Variants in CHD1L observed in about 807,000 individuals in gnomAD.
The protein encoded by CHD1L is chromodomain helicase DNA binding protein 1 like.
Under a neutral mutation model 115.9 loss-of-function variants are expected in CHD1L, and 118 were observed. That is an observed-to-expected ratio of 1.02 (90% CI 0.88 to 1.19). The LOEUF (loss-of-function observed/expected upper bound fraction) is 1.19, where lower values mean the gene tolerates loss of function less well. Among genes scored for constraint, CHD1L ranks in the 50% most tolerant of loss-of-function variants. The pLI is 0.00. For synonymous variants in CHD1L, 411 were observed against 387.1 expected (o/e 1.06, Z -0.72); for missense variants, 1,179 against 1,065.3 (o/e 1.11, Z -1.49).
chr1:147,268,768 T>C lies in CHD1L; in HGVS notation c.989-14T>C. 1.9e-6 allele frequency: 3 copies of C among 1,610,518 alleles called. No individual in the cohort carries two copies. Among genetic ancestry groups the C allele is most frequent in the Non-Finnish European group, 2.5e-6 (3 of 1,177,552 alleles). ...TGAGGGCACATTACTGGGAGTGGGT[T>C]CTTTCTTTTCTAGGTGTGGAGCCGG... On this transcript the variant is annotated splice_polypyrimidine_tract_variant and intron_variant, in intron 9 of 22. Transcript: ENST00000369258.
the CHD1L span, among the ~76,000 whole-genome samples, chr1:147,192,598 A>C: frequency 1.3e-5 from 2 of 151,890 alleles, no homozygotes; most frequent in Non-Finnish European, 2.9e-5. Flanking sequence ...CCAGTTTTCA[A>C]AGGGAATGCT....
chr1:147,184,986 A>AT, the CHD1L span, among the ~76,000 whole-genome samples: 1 of 152,044 alleles, frequency 6.6e-6, no homozygotes, highest in Non-Finnish European at 1.5e-5. The surrounding 1 kb of genome is among the most constrained non-coding windows in gnomAD (Gnocchi z 4.4). Flanking sequence ...ATATATATAT[A>AT]TTTTTGTAAT....
chr1:147,209,782 C>G, the CHD1L span: 1 of 152,192 alleles, frequency 6.6e-6, no homozygotes, highest in Non-Finnish European at 1.5e-5. Flanking sequence ...CACTTATCAC[C>G]TGTAGAACTC....
chr1:147,291,483 C>A lies in CHD1L; in HGVS notation c.2322C>A (p.Asp774Glu), dbSNP rs1398737020. ...TTGCTCCTTTCTGTTTTACCTCAGA[C>A]CTGAGTTTGGGAGGTGTCCTTTTAT... Reference protein sequence around the residue: ...KIYELAGKMKDLSLGGVLLFP... With the variant: ...KIYELAGKMKELSLGGVLLFP... Residue 774 changes from aspartate (D) to glutamate (E), a missense_variant and splice_region_variant, in exon 20 of 23, where the codon GAC becomes GAA. Transcript: ENST00000369258. 1 of 1,613,450 alleles carries A rather than the reference C, an allele frequency of 6.2e-7. No homozygotes were observed. The highest frequency in any genetic ancestry group is 1.7e-5 in the Admixed American group (1 of 60,012).
the CHD1L span, chr1:147,215,362 G>C: frequency 6.2e-6 from 1 of 160,696 alleles, no homozygotes; most frequent in African/African-American, 2.4e-5. Context: ...ATATTGGAAA[G>C]TACTTCAGAA....
the CHD1L span, among the ~76,000 whole-genome samples, chr1:147,236,513 C>T: frequency 6.6e-6 from 1 of 152,124 alleles, no homozygotes; most frequent in Non-Finnish European, 1.5e-5. Flanking sequence ...TCAGAGGAGA[C>T]CCACATTGGA....
chr1:147,198,508 C>G, the CHD1L span, among the ~76,000 whole-genome samples: 2 of 152,068 alleles, frequency 1.3e-5, no homozygotes, highest in Non-Finnish European at 2.9e-5. Flanking sequence ...GTGGGTACGT[C>G]ATCCAGTGCA....
At chr1:147,178,427 T>C in the CHD1L span, 1 of 1,611,390 alleles carries the variant, frequency 6.2e-7, no homozygotes, top group Non-Finnish European at 8.5e-7. Flanking sequence ...ACCCTGAATA[T>C]GTTTAGAGAT....
At chr1:147,255,978 G>A in intron 4 of CHD1L, 51 bp downstream of exon 4, 1 of 1,257,026 alleles carries the variant, frequency 8.0e-7, no homozygotes, top group Non-Finnish European at 1.1e-6. Flanking sequence ...GACCTTAGAA[G>A]TTGTAGAGTC....
chr1:147,203,432 C>A, the CHD1L span: 1 of 847,748 alleles, frequency 1.2e-6, no homozygotes, highest in Non-Finnish European at 2.1e-6. Context: ...GTATCTAGAA[C>A]ACCAGCTTCC....
At chr1:147,262,972 T>C (rs2102518365) in intron 6 of CHD1L, among the ~76,000 whole-genome samples, 1 of 152,262 alleles carries the variant, frequency 6.6e-6, no homozygotes, top group East Asian at 1.9e-4. Context: ...TATATATGCA[T>C]ATATATTATT....
At chr1:147,294,574 C>T (rs1157968463) in intron 22 of CHD1L, 57 bp downstream of exon 22, 1 of 1,374,668 alleles carries the variant, frequency 7.3e-7, no homozygotes, top group Non-Finnish European at 1.0e-6. Context: ...AAAATGTGTT[C>T]ATTTTCTGGT....
rs143869639 is a variant in CHD1L, at chr1:147,284,444, A to C, written c.1799A>C (p.Lys600Thr). ...KSFEQLVNLQ[K>T]TLLEKASQEG... The stretch of plus-strand genomic sequence containing the variant: ...TTTGAACAACTGGTAAACCTTCAGA[A>C]AACCCTTTTGGAGAAAGCTAGTCAA... The change falls in exon 16 of 23, where the codon AAA (lysine) becomes ACA (threonine). Residue 600 changes from lysine (K) to threonine (T), a missense_variant. Transcript: ENST00000369258. 41 of 1,612,660 alleles carry C rather than the reference A, an allele frequency of 2.5e-5. No individual in the cohort carries two copies. In the African/African-American group the frequency reaches 4.5e-4, roughly 18 times the overall value.
the CHD1L span, chr1:147,215,680 T>A: frequency 0.036 from 39,070 of 1,086,416 alleles, 818 homozygotes; most frequent in African/African-American, 0.071. Context: ...AAGTAAACAT[T>A]GGTAACTGAA....
At chr1:147,242,653 T>A (rs782341599), upstream of CHD1L, 37 of 1,257,534 alleles carry the variant, frequency 2.9e-5, 1 homozygote, top group South Asian at 4.1e-4. Context: ...GTTGGGAAGT[T>A]GGGAGGGAGG....
At chr1:147,256,484 G>GA in intron 4 of CHD1L, 47 bp from the exon 5 acceptor site, 1 of 1,532,524 alleles carries the variant, frequency 6.5e-7, no homozygotes, top group Non-Finnish European at 9.0e-7. Context: ...ATCAATATCA[G>GA]AGTTTATCAA....
At chr1:147,267,099 T>C (rs1186047739) in intron 8 of CHD1L, among the ~76,000 whole-genome samples, 1 of 152,192 alleles carries the variant, frequency 6.6e-6, no homozygotes, top group Non-Finnish European at 1.5e-5. Context: ...AAGGGAAAGA[T>C]AGTGAAATAA....
chr1:147,275,229 G>C (rs72999648), intron 12 of CHD1L, 125 bp from the exon 13 acceptor site: 1 of 725,738 alleles, frequency 1.4e-6, no homozygotes. Context: ...GGGTCCATTT[G>C]AAGGATGAAG....
the CHD1L span, chr1:147,203,418 G>T: frequency 1.1e-6 from 1 of 889,536 alleles, no homozygotes; most frequent in Non-Finnish European, 1.9e-6. Context: ...GTTTTCCCAG[G>T]TAAGTATCTA....
Sources: gnomAD v4.1 joint callset for allele counts (sites outside exome capture counted in the v4.1 genomes callset) on GRCh38, gnomAD v4.1.1 for gene constraint, Gnocchi (gnomAD v3.1) non-coding constraint, MANE v1.5 for transcripts, NCBI Gene and HGNC (gene_info 2026-07-23, HGNC 2026-07-21) for gene names.